The following ADAMTS1 variants were observed in gnomAD, a reference collection of about 807,000 sequenced individuals.
ADAMTS1 encodes the protein A disintegrin and metalloproteinase with thrombospondin motifs 1.
ADAMTS1 carries 19 observed loss-of-function variants against 87.9 expected under a neutral mutation model. That is an observed-to-expected ratio of 0.22 (90% CI 0.15 to 0.32). ADAMTS1 has a LOEUF of 0.32. Among genes scored for constraint, ADAMTS1 ranks in the 10% least tolerant of loss-of-function variants. The pLI, the probability that ADAMTS1 is intolerant of heterozygous loss-of-function variation, is 1.00. For synonymous variants in ADAMTS1, 542 were observed against 501.8 expected, an observed-to-expected ratio of 1.08 and a Z score of -1.07; for missense variants, 1,240 against 1,259.1, an observed-to-expected ratio of 0.98 and a Z score of 0.23.
At position 26,844,980 on chromosome 21, in the gene ADAMTS1, A is replaced by T. The variant is rs1034170228; in HGVS notation, c.-26T>A. 5.4e-6 allele frequency: 8 copies of T among 1,494,006 alleles called. No homozygotes were observed. Among genetic ancestry groups the T allele is most frequent in the African/African-American group, 1.4e-5 (1 of 70,916 alleles). 92.5% of individuals were successfully genotyped at this position (1,494,006 alleles called of 1,614,324 possible). A position where few individuals can be genotyped will look rare whatever the true frequency, so the allele number is the denominator to read the frequency against. On this transcript the variant is annotated 5_prime_UTR_variant, in exon 1 of 9. Transcript: ENST00000284984. Reference sequence around the variant, plus strand: ...TGGAGCCCCAGGAGACACCGCTCGTAGCAGCGCACGGAGCGAGGGACCTTT... The same window carrying T: ...TGGAGCCCCAGGAGACACCGCTCGTTGCAGCGCACGGAGCGAGGGACCTTT...
At chr21:26,842,178 G>A (rs1166890794) in intron 2 of ADAMTS1, among the ~76,000 whole-genome samples, 161 bp downstream of exon 2, 2 of 152,160 alleles carry the variant, frequency 1.3e-5, no homozygotes, top group African/African-American at 4.8e-5. Context: ...TGTGAAACTT[G>A]AGATATTTAA....
chr21:26,843,240 A>C (rs1051123016), intron 1 of ADAMTS1, among the ~76,000 whole-genome samples: 9 of 152,200 alleles, frequency 5.9e-5, no homozygotes, highest in African/African-American at 2.2e-4. Flanking sequence ...CACTCTGCCC[A>C]GCAGCCTCTG....
At chr21:26,841,430 G>A (rs909324174) in intron 3 of ADAMTS1, 5 of 348,902 alleles carry the variant, frequency 1.4e-5, no homozygotes, top group Non-Finnish European at 2.6e-5. Flanking sequence ...AGTGAGCCGA[G>A]ATTGTGCCAC....
chr21:26,842,537 G>T lies in ADAMTS1; in HGVS notation c.879C>A (p.Tyr293Ter). 1 of 1,614,114 alleles carries T rather than the reference G, an allele frequency of 6.2e-7. No homozygotes were observed. The highest frequency in any genetic ancestry group is 8.5e-7 in the Non-Finnish European group (1 of 1,180,018). The change falls in exon 2 of 9, where the codon TAC becomes TAA. Residue 293 changes from tyrosine to a stop codon, truncating the protein, a stop_gained. Coordinates refer to ENST00000284984, the MANE Select transcript of ADAMTS1 (RefSeq NM_006988.5). LOFTEE classifies it high-confidence loss of function. Reference protein sequence around the residue: ...LTLFSVAARLYKHPSIRNSVS... With the variant: ...LTLFSVAARL ...CTGAATTACGAATGCTGGGGTGTTT[G>T]TACAATCTGGCTGCCACCGAAAACA...
In ADAMTS1 at chr21:26,842,587, C is replaced by G; in HGVS notation, c.829G>C (p.Gly277Arg). The change falls in exon 2 of 9, where the codon GGT becomes CGT. Residue 277 changes from glycine (G) to arginine (R), a missense_variant. Physicochemically the swap from Gly to Arg is moderately radical, Grantham distance 125. Transcript: ENST00000284984. ...DQSMAEFHGS[G>R]LKHYLLTLFS... ...AACGTGAGAAGGTAATGCTTTAGAC[C>G]ACTGCCGTGGAATTCTGCCATCGAC... 6.2e-7 allele frequency: 1 copy of G among 1,614,102 alleles called. No individual in the cohort carries two copies. The highest frequency in any genetic ancestry group is 8.5e-7 in the Non-Finnish European group (1 of 1,180,022).
In ADAMTS1 at chr21:26,844,458, T is replaced by C; in HGVS notation, c.497A>G (p.Glu166Gly). 1 of 1,587,616 alleles carries C rather than the reference T, an allele frequency of 6.3e-7. No homozygotes were observed. Among genetic ancestry groups the C allele is most frequent in the Non-Finnish European group, 8.6e-7 (1 of 1,166,642 alleles). ...CCCTGGGGCGGCGGTGGCGAGGCGCTCGCTGGCGGCGGGCAGCGGCTGGAT... is the reference window on the plus strand; with the variant it reads ...CCCTGGGGCGGCGGTGGCGAGGCGCCCGCTGGCGGCGGGCAGCGGCTGGAT... ...YFIQPLPAAS[E>G]RLATAAPGEK... is the part of the protein sequence containing the mutation. Residue 166 changes from glutamate to glycine, a missense_variant, in exon 1 of 9, where the codon GAG becomes GGG. By Grantham distance (98) the Glu-to-Gly change is moderately conservative (BLOSUM62 -2). This residue lies in a region of ADAMTS1 where 521 missense variants were observed against 449.7 expected (regional missense o/e 1.16). Transcript: ENST00000284984.
intron 4 of ADAMTS1, among the ~76,000 whole-genome samples, 191 bp downstream of exon 4, chr21:26,840,807 T>TTTGG (rs1568810858): frequency 3.3e-5 from 5 of 152,238 alleles, no homozygotes; most frequent in Admixed American, 2.6e-4. Context: ...ATGAATGGGC[T>TTTGG]TTGGGAGCTA....
chr21:26,842,683 T>C lies in ADAMTS1; in HGVS notation c.733A>G (p.Thr245Ala), dbSNP rs757509573. Residue 245 changes from threonine to alanine, a missense_variant and splice_region_variant, in exon 2 of 9, where the codon ACT becomes GCT. Thr to Ala is a moderately conservative substitution (Grantham distance 58). This residue lies in a region of ADAMTS1 where 521 missense variants were observed against 449.7 expected (regional missense o/e 1.16). Coordinates refer to ENST00000284984, the MANE Select transcript of ADAMTS1 (RefSeq NM_006988.5). ...ALQGVGQPTG[T>A]GSIRKKRFVS... ...AATCGCTTCTTTCTTATGCTTCCAG[T>C]TCCTGTAAAGAAAAAAAAAAGTTTG... The C allele has an allele frequency of 3.1e-6, 5 of 1,608,466 alleles. No individual in the cohort carries two copies. The highest frequency in any genetic ancestry group is 8.5e-7 in the Non-Finnish European group (1 of 1,177,788).
chr21:26,838,259 T>C lies in ADAMTS1; in HGVS notation c.2224A>G (p.Ile742Val), dbSNP rs139582306. 3.1e-6 allele frequency: 5 copies of C among 1,608,664 alleles called. No individual in the cohort carries two copies. The highest frequency in any genetic ancestry group is 4.3e-6 in the Non-Finnish European group (5 of 1,176,274). ...TSAKPGYHDI[I>V]TIPTGATNIE... Reference sequence around the variant, plus strand: ...TTGGTGGCTCCAGTTGGAATTGTGATGATATCATGATATCCAGGTCTGCAG... The same window carrying C: ...TTGGTGGCTCCAGTTGGAATTGTGACGATATCATGATATCCAGGTCTGCAG... The change falls in exon 9 of 9, where the codon ATC becomes GTC. Residue 742 changes from isoleucine (I) to valine (V), a missense_variant. This residue lies in a region of ADAMTS1 where 402 missense variants were observed against 399.1 expected (regional missense o/e 1.01). Coordinates refer to ENST00000284984, the MANE Select transcript of ADAMTS1 (RefSeq NM_006988.5).
At position 26,845,007 on chromosome 21, in the gene ADAMTS1, G is replaced by C. The variant is rs1490329357; in HGVS notation, c.-53C>G. The C allele has an allele frequency of 6.8e-7, 1 of 1,476,054 alleles. No individual in the cohort carries two copies. The highest frequency in any genetic ancestry group is 8.9e-7 in the Non-Finnish European group (1 of 1,118,444). 91.4% of individuals were successfully genotyped at this position (1,476,054 alleles called of 1,614,324 possible). ...CAGCGCACGGAGCGAGGGACCTTTA[G>C]TTCGGGTCGGGAGAGCAAAGCCTCG... On this transcript the variant is annotated 5_prime_UTR_variant, in exon 1 of 9. Transcript: ENST00000284984.
intron 2 of ADAMTS1, 120 bp from the exon 3 acceptor site, chr21:26,842,110 A>G (rs1379434855): frequency 1.6e-6 from 2 of 1,220,066 alleles, no homozygotes; most frequent in Non-Finnish European, 2.3e-6. Flanking sequence ...TATTGTTGAC[A>G]TAAGAAGACT....
Position 26,836,342 on chromosome 21 carries a change from A to G in ADAMTS1, c.*1237T>C, listed in dbSNP as rs1985363436. 1 of 152,562 alleles carries G rather than the reference A, an allele frequency of 6.6e-6. No homozygotes were observed. The highest frequency in any genetic ancestry group is 6.5e-5 in the Admixed American group (1 of 15,282). 9.5% of individuals were successfully genotyped at this position (152,562 alleles called of 1,614,324 possible). On this transcript the variant is annotated 3_prime_UTR_variant, in exon 9 of 9. Coordinates refer to ENST00000284984, the MANE Select transcript of ADAMTS1 (RefSeq NM_006988.5). Reference sequence around the variant, plus strand: ...ATATATTGTATAAATACTCTATTTTATATGCACTTCCACAAAAGCGATATA... The same window carrying G: ...ATATATTGTATAAATACTCTATTTTGTATGCACTTCCACAAAAGCGATATA...
In ADAMTS1 at chr21:26,844,348, C is replaced by A. The variant is rs761295261; in HGVS notation, c.607G>T (p.Asp203Tyr). Residue 203 changes from aspartate (D) to tyrosine (Y), a missense_variant, in exon 1 of 9, where the codon GAC (aspartate) becomes TAC (tyrosine). Coordinates refer to ENST00000284984, the MANE Select transcript of ADAMTS1 (RefSeq NM_006988.5). ...GCTTTCCCAGTCGGCCGGGGCTCGT[C>A]GTCCACGACCCCGCACGTGCCGCCG... Reference protein sequence around the residue: ...DVGGTCGVVDDEPRPTGKAET... With the variant: ...DVGGTCGVVDYEPRPTGKAET... The A allele has an allele frequency of 3.7e-6, 6 of 1,603,600 alleles. No homozygotes were observed. Among genetic ancestry groups the A allele is most frequent in the South Asian group, 2.2e-5 (2 of 89,864 alleles).
At chr21:26,839,524 G>A (rs1985445659) in intron 7 of ADAMTS1, 63 bp downstream of exon 7, 1 of 1,397,726 alleles carries the variant, frequency 7.2e-7, no homozygotes, top group Non-Finnish European at 9.5e-7. Flanking sequence ...AACAAAAATT[G>A]TTTGAAAAGG....
Position 26,841,868 on chromosome 21 carries a change from G to C in ADAMTS1, c.1200C>G (p.Ala400=). Residue 400 remains alanine (A), a synonymous_variant, in exon 3 of 9, where the codon GCC becomes GCG. Coordinates refer to ENST00000284984, the MANE Select transcript of ADAMTS1 (RefSeq NM_006988.5). ...TTGAAGCAGACTTACCTAATTCATG[G>C]GCTGTGGTGAAGGCAGCTTGTAAAC... ...DDGLQAAFTT[A]HELGHVFNMP... The C allele has an allele frequency of 3.1e-6, 5 of 1,612,794 alleles. No homozygotes were observed. Among genetic ancestry groups the C allele is most frequent in the Non-Finnish European group, 4.2e-6 (5 of 1,179,740 alleles).
rs975572056 is a variant in ADAMTS1, at chr21:26,844,801, G to A, written c.154C>T (p.Arg52Cys). 2.6e-6 allele frequency: 4 copies of A among 1,543,890 alleles called. No individual in the cohort carries two copies. The African/African-American group carries it at 4.1e-5, about 16-fold the overall frequency. ...AGCTCCTCGTCCTCCTCGGAGGGGCGCCCGAGTGCGTCCGACACGGCCAGT... is the reference window on the plus strand; with the variant it reads ...AGCTCCTCGTCCTCCTCGGAGGGGCACCCGAGTGCGTCCGACACGGCCAGT... Reference protein sequence around the residue: ...ALLAVSDALGRPSEEDEELVV... With the variant: ...ALLAVSDALGCPSEEDEELVV... Residue 52 changes from arginine to cysteine, a missense_variant, in exon 1 of 9, where the codon CGC becomes TGC. By Grantham distance (180) the Arg-to-Cys change is radical (BLOSUM62 -3). Coordinates refer to ENST00000284984, the MANE Select transcript of ADAMTS1 (RefSeq NM_006988.5).
At chr21:26,842,224 C>T (rs978769316) in intron 2 of ADAMTS1, 115 bp downstream of exon 2, 2 of 1,094,000 alleles carry the variant, frequency 1.8e-6, no homozygotes, top group African/African-American at 3.2e-5. Context: ...ACCATGCTAG[C>T]CAATTAAAAA....
In ADAMTS1 at chr21:26,840,262, G is replaced by T. The variant is rs1347788213; in HGVS notation, c.1665+14C>A. 6.2e-7 allele frequency: 1 copy of T among 1,607,734 alleles called. No individual in the cohort carries two copies. Among genetic ancestry groups the T allele is most frequent in the Non-Finnish European group, 8.5e-7 (1 of 1,175,460 alleles). ...TCTTTTCAATTCTGAATGTGTTTCA[G>T]TAGAAAAACTCACATCAAAATGCTT... On this transcript the variant is annotated intron_variant, in intron 5 of 8. Coordinates refer to ENST00000284984, the MANE Select transcript of ADAMTS1 (RefSeq NM_006988.5).
Position 26,842,455 on chromosome 21 carries a change from C to G in ADAMTS1, c.961G>C (p.Val321Leu). The change falls in exon 2 of 9, where the codon GTG becomes CTG. Residue 321 changes from valine to leucine, a missense_variant. Val to Leu is a conservative substitution (Grantham distance 32). Transcript: ENST00000284984. Reference sequence around the variant, plus strand: ...AGAGTGAGGGCAGCATTGGAGGTCACTTCCGGCCCCTTCTGTTCATCGTGG... The same window carrying G: ...AGAGTGAGGGCAGCATTGGAGGTCAGTTCCGGCCCCTTCTGTTCATCGTGG... ...VIHDEQKGPE[V>L]TSNAALTLRN... The G allele has an allele frequency of 6.2e-7, 1 of 1,614,190 alleles. No individual in the cohort carries two copies. The highest frequency in any genetic ancestry group is 2.2e-5 in the East Asian group (1 of 44,876).
Sources: allele counts gnomAD v4.1 joint callset (sites outside exome capture counted in the v4.1 genomes callset), GRCh38; gene constraint gnomAD v4.1.1; regional missense constraint gnomAD v4.1.1; transcripts MANE v1.5; gene names NCBI Gene and HGNC (gene_info 2026-07-23, HGNC 2026-07-21).